Variants in PCNX1 observed in about 807,000 individuals in gnomAD.
The protein encoded by PCNX1 is pecanex 1.
In PCNX1, 78 loss-of-function variants were observed where a neutral mutation model predicts 242.2. The ratio of observed to expected loss-of-function variants is 0.32; its 90% CI spans 0.27 to 0.39. PCNX1 has a LOEUF of 0.39. Among genes scored for constraint, PCNX1 ranks in the 10% least tolerant of loss-of-function variants. The pLI, the probability that PCNX1 is intolerant of heterozygous loss-of-function variation, is 1.00. For synonymous variants in PCNX1, 1,024 were observed against 1,032.9 expected (o/e 0.99, Z 0.17); for missense variants, 2,581 against 2,856.5 (o/e 0.90, Z 2.20).
intron 1 of PCNX1, among the ~76,000 whole-genome samples, chr14:70,917,617 C>A (rs889298785): frequency 6.6e-6 from 1 of 152,080 alleles, no homozygotes; most frequent in African/African-American, 2.4e-5. Flanking sequence ...GTGATGTCTT[C>A]TGGGCTTTAT....
At chr14:70,915,648 T>G (rs1262592074) in intron 1 of PCNX1, among the ~76,000 whole-genome samples, 1 of 152,192 alleles carries the variant, frequency 6.6e-6, no homozygotes, top group Non-Finnish European at 1.5e-5. Context: ...TGTAAGTCAT[T>G]TCCAGGTTTT....
intron 30 of PCNX1, among the ~76,000 whole-genome samples, chr14:71,095,155 CCTT>C (rs1385692274): frequency 2.6e-5 from 4 of 152,182 alleles, no homozygotes; most frequent in Non-Finnish European, 4.4e-5. Flanking sequence ...TATCTTTCCT[CCTT>C]ATTTATTTTC....
chr14:71,085,228 A>G (rs1252755760), intron 28 of PCNX1, among the ~76,000 whole-genome samples: 1 of 152,210 alleles, frequency 6.6e-6, no homozygotes, highest in East Asian at 1.9e-4. Context: ...GGAAATGCAG[A>G]AATCACCTGC....
chr14:70,929,880 G>C (rs997030743), intron 1 of PCNX1, among the ~76,000 whole-genome samples: 1 of 152,088 alleles, frequency 6.6e-6, no homozygotes, highest in South Asian at 2.1e-4. Flanking sequence ...AAGGATATAC[G>C]TAACATTTTA....
At chr14:71,068,566 G>C (rs2061509879) in intron 26 of PCNX1, among the ~76,000 whole-genome samples, 1 of 145,508 alleles carries the variant, frequency 6.9e-6, no homozygotes, top group South Asian at 2.2e-4. Context: ...TTGGTTGGTA[G>C]ACTTTTTAGG....
chr14:70,975,838 G>C (rs891504767), intron 5 of PCNX1, among the ~76,000 whole-genome samples: 3 of 151,436 alleles, frequency 2.0e-5, no homozygotes, highest in Non-Finnish European at 4.4e-5. Flanking sequence ...ACTAATCACT[G>C]GTCTGGATGG....
chr14:70,910,684 T>G (rs1334818044), intron 1 of PCNX1, among the ~76,000 whole-genome samples: 1 of 152,206 alleles, frequency 6.6e-6, no homozygotes, highest in African/African-American at 2.4e-5. Context: ...TATTCCTAAC[T>G]GATATCTATT....
At chr14:71,081,200 T>C (rs983396399) in intron 28 of PCNX1, among the ~76,000 whole-genome samples, 1 of 152,210 alleles carries the variant, frequency 6.6e-6, no homozygotes, top group African/African-American at 2.4e-5. Flanking sequence ...GAACCAGCCT[T>C]GCATCCCAGG....
chr14:70,967,140 G>C (rs1435372278), intron 3 of PCNX1, among the ~76,000 whole-genome samples: 3 of 152,118 alleles, frequency 2.0e-5, no homozygotes, highest in African/African-American at 7.2e-5. Context: ...CACACCTTCA[G>C]TGTACAGCTA....
intron 33 of PCNX1, among the ~76,000 whole-genome samples, chr14:71,106,138 C>T (rs989231281): frequency 1.4e-4 from 21 of 151,824 alleles, no homozygotes; most frequent in African/African-American, 4.8e-4. Context: ...CTCAGCCTCC[C>T]GAGTAGCTGG....
chr14:71,058,380 C>T (rs1461678389), intron 26 of PCNX1, among the ~76,000 whole-genome samples: 1 of 152,176 alleles, frequency 6.6e-6, no homozygotes, highest in Non-Finnish European at 1.5e-5. Context: ...CAGAAAATCA[C>T]GCATTCAGAA....
At chr14:70,962,597 C>A (rs1426380174) in intron 3 of PCNX1, among the ~76,000 whole-genome samples, 1 of 152,150 alleles carries the variant, frequency 6.6e-6, no homozygotes, top group Non-Finnish European at 1.5e-5. Context: ...GGAAATTTAG[C>A]TTCTAGCTTG....
chr14:71,018,932 TCTTCC>T, intron 11 of PCNX1, 72 bp from the exon 12 acceptor site: 1 of 1,228,702 alleles, frequency 8.1e-7, no homozygotes, highest in Non-Finnish European at 1.1e-6. Context: ...CATATTTATG[TCTTCC>T]CTTCCCTTTT....
In PCNX1 at chr14:71,109,045, A is replaced by G. The variant is rs755317586; in HGVS notation, c.6743A>G (p.Gln2248Arg). ...SRKAEVIYRV[Q>R]IVDPSQILEG... is the part of the protein sequence containing the mutation. ...AAGGCAGAAGTGATTTACAGAGTCCAAGTAAGTAAGCCCAGAGGTGGTCTT... is the reference window on the plus strand; with the variant it reads ...AAGGCAGAAGTGATTTACAGAGTCCGAGTAAGTAAGCCCAGAGGTGGTCTT... The change falls in exon 34 of 36, where the codon CAA (glutamine) becomes CGA (arginine). Residue 2248 changes from glutamine to arginine, a missense_variant and splice_region_variant. Transcript: ENST00000304743. 5.6e-6 allele frequency: 9 copies of G among 1,605,682 alleles called. No homozygotes were observed. Among genetic ancestry groups the G allele is most frequent in the Non-Finnish European group, 7.7e-6 (9 of 1,175,004 alleles).
Position 71,011,561 on chromosome 14 carries a change from TTTA to T in PCNX1, c.2778+15_2778+17del. The T allele has an allele frequency of 1.4e-6, 2 of 1,422,774 alleles. No individual in the cohort carries two copies. The highest frequency in any genetic ancestry group is 2.0e-6 in the Non-Finnish European group (2 of 1,010,604). The allele number at this position is 1,422,774 out of a possible 1,614,324, so 88.1% of individuals were successfully genotyped here. ...ATCCACATGATGTGGTAGGTTTTTC[TTTA>T]TTTTTACAACATGATAAATTTTCAG... On this transcript the variant is annotated intron_variant, in intron 10 of 35. Transcript: ENST00000304743.
intron 7 of PCNX1, among the ~76,000 whole-genome samples, chr14:70,995,074 C>T (rs1027099068): frequency 5.3e-5 from 8 of 152,104 alleles, no homozygotes; most frequent in Non-Finnish European, 1.0e-4. Flanking sequence ...ATATAAAGCA[C>T]GTGGCCTTAT....
chr14:70,923,073 G>C (rs1419498192), intron 1 of PCNX1, among the ~76,000 whole-genome samples: 1 of 149,742 alleles, frequency 6.7e-6, no homozygotes, highest in Non-Finnish European at 1.5e-5. Context: ...TGAATTCTTT[G>C]AGTATCTTTT....
intron 30 of PCNX1, among the ~76,000 whole-genome samples, chr14:71,090,137 C>G (rs1178061337): frequency 2.6e-5 from 4 of 152,166 alleles, no homozygotes; most frequent in Admixed American, 2.0e-4. Flanking sequence ...GAATTTCATT[C>G]CATGTGTTAC....
At chr14:70,937,582 T>G (rs1040356272) in intron 1 of PCNX1, among the ~76,000 whole-genome samples, 2 of 152,224 alleles carry the variant, frequency 1.3e-5, no homozygotes, top group Non-Finnish European at 2.9e-5. Context: ...CCTCCAGCTT[T>G]GTTCTTTTGG....
Sources: gnomAD v4.1 joint callset for allele counts (sites outside exome capture counted in the v4.1 genomes callset) on GRCh38, gnomAD v4.1.1 for gene constraint, MANE v1.5 for transcripts, NCBI Gene and HGNC (gene_info 2026-07-23, HGNC 2026-07-21) for gene names.